GARRE1: variants seen among roughly 807,000 people sequenced by gnomAD.
GARRE1 encodes the protein granule associated Rac and RHOG effector 1.
Under a neutral mutation model 103.2 loss-of-function variants are expected in GARRE1, and 49 were observed. The observed-to-expected ratio is 0.47, with a 90% CI of 0.38 to 0.60. The LOEUF (loss-of-function observed/expected upper bound fraction) is 0.60, where lower values mean the gene tolerates loss of function less well. GARRE1 is among the 20% of genes least tolerant of loss of function. The pLI is 0.00. For missense variants in GARRE1, 1,199 were observed against 1,370.5 expected, an observed-to-expected ratio of 0.87 and a Z score of 1.98; for synonymous variants, 505 against 532.8, an observed-to-expected ratio of 0.95 and a Z score of 0.72.
intron 10 of GARRE1, 64 bp from the exon 11 acceptor site, chr19:34,347,813 C>T (rs1288456213): frequency 3.6e-6 from 5 of 1,402,438 alleles, no homozygotes; most frequent in Admixed American, 2.4e-5. Context: ...GTTAGCAAAG[C>T]GTAGGGAAGG....
chr19:34,301,352 T>C (rs2073977571), intron 2 of GARRE1, among the ~76,000 whole-genome samples: 1 of 151,890 alleles, frequency 6.6e-6, no homozygotes, highest in African/African-American at 2.4e-5. Flanking sequence ...AGAGTTAATC[T>C]GGCATTAGTT....
intron 7 of GARRE1, among the ~76,000 whole-genome samples, chr19:34,331,281 G>A (rs932328439): frequency 3.3e-5 from 5 of 151,948 alleles, no homozygotes; most frequent in Admixed American, 6.6e-5. Context: ...GAGCTACATT[G>A]GATGTCTGTT....
chr19:34,343,813 G>T (rs543565490), intron 10 of GARRE1, among the ~76,000 whole-genome samples: 1 of 152,226 alleles, frequency 6.6e-6, no homozygotes, highest in South Asian at 2.1e-4. Context: ...CACCACAGCA[G>T]CCCAGCCTGG....
At chr19:34,263,688 T>G (rs978287277) in intron 1 of GARRE1, among the ~76,000 whole-genome samples, 2 of 152,110 alleles carry the variant, frequency 1.3e-5, no homozygotes, top group Non-Finnish European at 2.9e-5. Context: ...ATGTTGGCCA[T>G]GTTGGCCAGG....
intron 1 of GARRE1, among the ~76,000 whole-genome samples, chr19:34,257,664 A>G (rs2073682977): frequency 6.6e-6 from 1 of 152,168 alleles, no homozygotes; most frequent in Non-Finnish European, 1.5e-5. Context: ...GAGAGCCTGA[A>G]TGTTGTGTTT....
chr19:34,330,185 A>G lies in GARRE1; in HGVS notation c.1105-4A>G, dbSNP rs762241086. 6.8e-6 allele frequency: 11 copies of G among 1,613,488 alleles called. No homozygotes were observed. Among genetic ancestry groups the G allele is most frequent in the Middle Eastern group, 1.7e-4 (1 of 6,058 alleles). ...GTGTGAACTCTCTTCTTATCAATCT[A>G]TAGCATACAATGTTACAGCTGATGA... is the stretch of plus-strand genomic sequence containing the variant. On this transcript the variant is annotated splice_region_variant and splice_polypyrimidine_tract_variant and intron_variant, in intron 6 of 13. Transcript: ENST00000299505.
chr19:34,326,528 T>G (rs947007498), intron 3 of GARRE1, among the ~76,000 whole-genome samples: 6 of 152,230 alleles, frequency 3.9e-5, no homozygotes, highest in African/African-American at 1.4e-4. Flanking sequence ...TTATCTACTC[T>G]TCATAAACAT....
At chr19:34,272,557 G>A (rs2073794140) in intron 1 of GARRE1, among the ~76,000 whole-genome samples, 2 of 152,198 alleles carry the variant, frequency 1.3e-5, no homozygotes, top group South Asian at 2.1e-4. Context: ...GGTCCTTGGA[G>A]AGGGAGGTCT....
At chr19:34,256,439 G>A (rs924734006) in intron 1 of GARRE1, among the ~76,000 whole-genome samples, 2 of 151,538 alleles carry the variant, frequency 1.3e-5, no homozygotes, top group South Asian at 2.1e-4. Flanking sequence ...AGAATCGCTT[G>A]AGCCCAGGAG....
intron 1 of GARRE1, among the ~76,000 whole-genome samples, chr19:34,287,715 A>G (rs1198386396): frequency 6.6e-6 from 1 of 152,166 alleles, no homozygotes; most frequent in African/African-American, 2.4e-5. Context: ...CAGCACTGTC[A>G]GGTTCTCATG....
intron 3 of GARRE1, among the ~76,000 whole-genome samples, chr19:34,323,133 G>C (rs967583730): frequency 7.3e-6 from 1 of 136,322 alleles, no homozygotes; most frequent in African/African-American, 2.7e-5. Flanking sequence ...CGGGGTTCAC[G>C]CCATTCTCCT....
Position 34,355,052 on chromosome 19 carries a change from T to C in GARRE1, c.*2097T>C, listed in dbSNP as rs2074264590. 6.6e-6 allele frequency: 1 copy of C among 152,654 alleles called. No individual in the cohort carries two copies. Among genetic ancestry groups the C allele is most frequent in the Non-Finnish European group, 1.5e-5 (1 of 68,044 alleles). 9.5% of individuals were successfully genotyped at this position (152,654 alleles called of 1,614,324 possible). On this transcript the variant is annotated 3_prime_UTR_variant, in exon 14 of 14. Coordinates refer to ENST00000299505, the MANE Select transcript of GARRE1 (RefSeq NM_014686.5). ...GTTCTACTTGTAAGATAGTTTTCTA[T>C]TTCCTTCAGTAATGTGTCCACAGTA... is the stretch of plus-strand genomic sequence containing the variant.
At chr19:34,346,710 A>G (rs2145284442) in intron 10 of GARRE1, among the ~76,000 whole-genome samples, 1 of 151,928 alleles carries the variant, frequency 6.6e-6, no homozygotes, top group East Asian at 1.9e-4. Context: ...TCCGCCTCCC[A>G]GGTTCAAGTG....
intron 1 of GARRE1, among the ~76,000 whole-genome samples, chr19:34,294,567 C>T (rs1834304159): frequency 6.6e-6 from 1 of 152,104 alleles, no homozygotes; most frequent in Non-Finnish European, 1.5e-5. Context: ...CTTAAATTGA[C>T]TTAAACTCTT....
chr19:34,308,508 C>T (rs2074022199), intron 2 of GARRE1, among the ~76,000 whole-genome samples: 1 of 152,128 alleles, frequency 6.6e-6, no homozygotes, highest in South Asian at 2.1e-4. Flanking sequence ...TGTCTTCAGA[C>T]TTTAGCCTGT....
At chr19:34,323,512 T>C (rs558637668) in intron 3 of GARRE1, among the ~76,000 whole-genome samples, 10 of 152,332 alleles carry the variant, frequency 6.6e-5, no homozygotes, top group African/African-American at 2.4e-4. Flanking sequence ...TCTTTCATGC[T>C]AAAGACTTCC....
chr19:34,266,392 C>A (rs1393836854), intron 1 of GARRE1, among the ~76,000 whole-genome samples: 1 of 152,206 alleles, frequency 6.6e-6, no homozygotes, highest in Admixed American at 6.5e-5. Context: ...ACAGGAGTCT[C>A]GCTTTGTCAC....
chr19:34,256,319 C>T (rs1279420166), intron 1 of GARRE1, among the ~76,000 whole-genome samples: 3 of 151,442 alleles, frequency 2.0e-5, no homozygotes, highest in African/African-American at 7.3e-5. Context: ...CTAGACCAGC[C>T]TGGCCAACGT....
chr19:34,315,710 CAA>C (rs35321775), intron 2 of GARRE1, among the ~76,000 whole-genome samples: 6 of 62,554 alleles, frequency 9.6e-5, no homozygotes, highest in Non-Finnish European at 1.4e-4. Flanking sequence ...GACTCTGTCT[CAA>C]AAAAAAAAAA....
Sources: allele counts gnomAD v4.1 joint callset (sites outside exome capture counted in the v4.1 genomes callset), GRCh38; gene constraint gnomAD v4.1.1; transcripts MANE v1.5; gene names NCBI Gene and HGNC (gene_info 2026-07-23, HGNC 2026-07-21).